TMEM232: variants seen among roughly 807,000 people sequenced by gnomAD.
TMEM232 encodes the protein transmembrane protein 232.
TMEM232 carries 80 observed loss-of-function variants against 78.8 expected under a neutral mutation model. The observed-to-expected ratio is 1.01, with a 90% CI of 0.85 to 1.22. The LOEUF (loss-of-function observed/expected upper bound fraction) is 1.22. TMEM232 is among the 50% of genes most tolerant of loss of function. The pLI is 0.00. For missense variants in TMEM232, 881 were observed against 742.2 expected (o/e 1.19, Z -2.17); for synonymous variants, 297 against 254.3 (o/e 1.17, Z -1.60).
chr5:110,457,759 A>G (rs1426082441), intron 12 of TMEM232, among the ~76,000 whole-genome samples: 4 of 152,108 alleles, frequency 2.6e-5, no homozygotes, highest in African/African-American at 9.6e-5. Flanking sequence ...CCTAAGAAAG[A>G]ATGTAGGTGC....
intron 12 of TMEM232, among the ~76,000 whole-genome samples, chr5:110,495,586 A>G (rs1765557120): frequency 6.6e-6 from 1 of 151,974 alleles, no homozygotes; most frequent in African/African-American, 2.4e-5. Context: ...ATAAGGCTTT[A>G]CAGATATAAA....
intron 12 of TMEM232, among the ~76,000 whole-genome samples, chr5:110,459,740 G>A (rs1012033115): frequency 2.6e-5 from 4 of 152,210 alleles, no homozygotes; most frequent in African/African-American, 9.6e-5. Flanking sequence ...GTAACTTTAT[G>A]ATGGGGAAAT....
intron 11 of TMEM232, among the ~76,000 whole-genome samples, chr5:110,538,281 G>T (rs1772655511): frequency 6.6e-6 from 1 of 152,042 alleles, no homozygotes; most frequent in South Asian, 2.1e-4. Flanking sequence ...ATCCACCACG[G>T]ACATTAGACT....
chr5:110,605,199 A>G lies in TMEM232; in HGVS notation c.1186T>C (p.Leu396=). The change falls in exon 10 of 14, where the codon TTA becomes CTA. Residue 396 remains leucine (L), a synonymous_variant. Transcript: ENST00000455884. Reference sequence around the variant, plus strand: ...GGAGGTACTGATTTGTCCAAGTATAAAATATTTTTTTGTGAACTTTTACAG... The same window carrying G: ...GGAGGTACTGATTTGTCCAAGTATAGAATATTTTTTTGTGAACTTTTACAG... ...CHCKSSQKNI[L]YLDKSVPPEL... is the part of the protein sequence containing the mutation. The G allele has an allele frequency of 6.4e-7, 1 of 1,551,084 alleles. No individual in the cohort carries two copies. Among genetic ancestry groups the G allele is most frequent in the Non-Finnish European group, 8.7e-7 (1 of 1,146,662 alleles).
chr5:110,388,629 A>G (rs1260494286), intron 4 of TMEM232, among the ~76,000 whole-genome samples: 2 of 152,036 alleles, frequency 1.3e-5, no homozygotes, highest in Non-Finnish European at 2.9e-5. Flanking sequence ...ACATCTTTCA[A>G]TCACATCTTC....
intron 1 of TMEM232, among the ~76,000 whole-genome samples, chr5:110,693,822 GTC>G (rs1344346773): frequency 1.3e-5 from 2 of 152,104 alleles, no homozygotes; most frequent in Non-Finnish European, 2.9e-5. Context: ...CCAAATCTAC[GTC>G]TGATTGGTGT....
At chr5:110,498,654 G>C (rs1038961266) in intron 12 of TMEM232, among the ~76,000 whole-genome samples, 3 of 152,060 alleles carry the variant, frequency 2.0e-5, no homozygotes, top group African/African-American at 7.2e-5. Flanking sequence ...TTCACTTAAG[G>C]GAACACTAAA....
At chr5:110,396,296 A>C (rs574038046) in intron 3 of TMEM232, among the ~76,000 whole-genome samples, 3 of 152,170 alleles carry the variant, frequency 2.0e-5, no homozygotes, top group Non-Finnish European at 4.4e-5. Context: ...CTACCTGGAC[A>C]TGTGGGGATT....
intron 11 of TMEM232, among the ~76,000 whole-genome samples, chr5:110,537,630 C>T (rs1772562271): frequency 6.6e-6 from 1 of 152,174 alleles, no homozygotes; most frequent in African/African-American, 2.4e-5. Context: ...AGGCTAAACC[C>T]CAAACAGTGG....
At chr5:110,694,159 TAAAG>T (rs1208300059) in intron 1 of TMEM232, among the ~76,000 whole-genome samples, 5 of 152,082 alleles carry the variant, frequency 3.3e-5, no homozygotes, top group African/African-American at 1.2e-4. Flanking sequence ...TCAACATTCT[TAAAG>T]AAAAGAATTT....
intron 1 of TMEM232, among the ~76,000 whole-genome samples, chr5:110,718,094 A>C (rs569495817): frequency 6.6e-6 from 1 of 152,280 alleles, no homozygotes; most frequent in East Asian, 1.9e-4. Flanking sequence ...ATTTCTATAT[A>C]AACTGTAATA....
intron 11 of TMEM232, among the ~76,000 whole-genome samples, chr5:110,535,733 G>T (rs777625656): frequency 2.6e-5 from 4 of 151,962 alleles, no homozygotes; most frequent in Non-Finnish European, 5.9e-5. Flanking sequence ...GTAAACAAAT[G>T]GACCAAAAAA....
At chr5:110,493,104 A>G (rs562128035) in intron 12 of TMEM232, among the ~76,000 whole-genome samples, 1 of 152,100 alleles carries the variant, frequency 6.6e-6, no homozygotes, top group East Asian at 1.9e-4. Flanking sequence ...ACACCCATAC[A>G]AGAAAAAAAA....
intron 11 of TMEM232, among the ~76,000 whole-genome samples, chr5:110,533,599 A>G (rs1324038859): frequency 2.0e-5 from 3 of 152,094 alleles, no homozygotes; most frequent in Non-Finnish European, 4.4e-5. Context: ...CCTGATGCAT[A>G]TACTTTCTGC....
intron 12 of TMEM232, among the ~76,000 whole-genome samples, chr5:110,467,088 T>A (rs989322270): frequency 5.3e-5 from 8 of 152,044 alleles, no homozygotes; most frequent in African/African-American, 1.9e-4. Flanking sequence ...GAAAAAAAAT[T>A]TAAAGAAGAT....
At chr5:110,658,034 G>A (rs940769842) in intron 2 of TMEM232, among the ~76,000 whole-genome samples, 10 of 152,102 alleles carry the variant, frequency 6.6e-5, no homozygotes, top group East Asian at 1.9e-4. Context: ...TGTATATTAC[G>A]TTTGAATGTT....
chr5:110,660,050 G>T (rs568107174), intron 2 of TMEM232, among the ~76,000 whole-genome samples: 2 of 152,028 alleles, frequency 1.3e-5, no homozygotes, highest in South Asian at 4.1e-4. Flanking sequence ...ATAAAAGAAA[G>T]ATACATCCAT....
At chr5:110,495,195 G>A (rs974974422) in intron 12 of TMEM232, among the ~76,000 whole-genome samples, 8 of 151,542 alleles carry the variant, frequency 5.3e-5, no homozygotes, top group Admixed American at 4.0e-4. Flanking sequence ...AATAAAAGGA[G>A]AGATCTGTGG....
intron 2 of TMEM232, among the ~76,000 whole-genome samples, chr5:110,651,807 G>A (rs140831482): frequency 0.021 from 3,203 of 152,024 alleles, 35 homozygotes; most frequent in Admixed American, 0.025. Context: ...AAGAAACTGT[G>A]CTTCAGGTCG....
Sources: allele counts gnomAD v4.1 joint callset (sites outside exome capture counted in the v4.1 genomes callset), GRCh38; gene constraint gnomAD v4.1.1; transcripts MANE v1.5; gene names NCBI Gene and HGNC (gene_info 2026-07-23, HGNC 2026-07-21).